TMED1: variants seen among roughly 807,000 people sequenced by gnomAD.
The protein encoded by TMED1 is transmembrane p24 trafficking protein 1.
In TMED1, 20 loss-of-function variants were observed where a neutral mutation model predicts 21.2. The observed-to-expected ratio is 0.95, with a 90% CI of 0.67 to 1.37. The LOEUF is 1.37. TMED1 is among the 40% of genes most tolerant of loss of function. The probability of loss-of-function intolerance (pLI) is 0.00; values close to 1 mark genes in which losing one functional copy is unlikely to be tolerated. For synonymous variants in TMED1, 149 were observed against 134.7 expected, an observed-to-expected ratio of 1.11 and a Z score of -0.74; for missense variants, 316 against 309.8, an observed-to-expected ratio of 1.02 and a Z score of -0.15.
intron 3 of TMED1, among the ~76,000 whole-genome samples, chr19:10,833,732 G>A (rs1216922467): frequency 6.6e-6 from 1 of 151,994 alleles, no homozygotes; most frequent in Non-Finnish European, 1.5e-5. Context: ...TAGCCAACAT[G>A]GTGAAACCTC....
chr19:10,835,359 G>C lies in TMED1; in HGVS notation c.184-6C>G, dbSNP rs781668971. The C allele has an allele frequency of 2.8e-5, 45 of 1,613,284 alleles. No individual in the cohort carries two copies. Among genetic ancestry groups the C allele is most frequent in the East Asian group, 2.0e-4 (9 of 44,890 alleles). On this transcript the variant is annotated splice_region_variant and splice_polypyrimidine_tract_variant and intron_variant, in intron 1 of 3. Coordinates refer to ENST00000214869, the MANE Select transcript of TMED1 (RefSeq NM_006858.4). ...AGTCCAGCACCTCCGATCACCTGGG[G>C]GGCAGGTAAGAGCGGGTGGAGGGCT...
chr19:10,834,780 C>A (rs749103416), intron 3 of TMED1, 154 bp downstream of exon 3: 5 of 957,458 alleles, frequency 5.2e-6, no homozygotes, highest in East Asian at 5.0e-5. Context: ...CGTGCCCGGC[C>A]TGAAATGAAC....
rs767535879 is a variant in TMED1, at chr19:10,835,099, G to C, written c.300C>G (p.Ala100=). 3 of 1,613,790 alleles carry C rather than the reference G, an allele frequency of 1.9e-6. No individual in the cohort carries two copies. The highest frequency in any genetic ancestry group is 2.5e-6 in the Non-Finnish European group (3 of 1,179,892). Residue 100 remains alanine, a synonymous_variant, in exon 3 of 4, where the codon GCC becomes GCG. Transcript: ENST00000214869. Reference sequence around the variant, plus strand: ...TGTCAAAGCACAGCTTGTAGTCCCCGGCCTCCGTTGGCTCCACCCTGGGCA... The same window carrying C: ...TGTCAAAGCACAGCTTGTAGTCCCCCGCCTCCGTTGGCTCCACCCTGGGCA... The part of the protein sequence containing the change: ...DGVHTVEPTE[A]GDYKLCFDNS...
Position 10,832,532 on chromosome 19 carries a change from T to A in TMED1, c.*463A>T. On this transcript the variant is annotated 3_prime_UTR_variant, in exon 4 of 4. Coordinates refer to ENST00000214869, the MANE Select transcript of TMED1 (RefSeq NM_006858.4). ...GCCTAGACTTTGGCCGGGCCATCCC[T>A]CATGCCTGTGTGGGGCCCCTGCAGG... is the stretch of plus-strand genomic sequence containing the variant. 1 of 533,242 alleles carries A rather than the reference T, an allele frequency of 1.9e-6. No individual in the cohort carries two copies. The highest frequency in any genetic ancestry group is 3.1e-6 in the Non-Finnish European group (1 of 327,082). The allele number at this position is 533,242 out of a possible 1,614,324, so 33.0% of individuals were successfully genotyped here.
At position 10,833,015 on chromosome 19, in the gene TMED1, T is replaced by TG. The variant is rs1337244074; in HGVS notation, c.663dup (p.Lys222GlnfsTer53). The TG allele has an allele frequency of 6.2e-6, 10 of 1,613,266 alleles. No homozygotes were observed. Among genetic ancestry groups the TG allele is most frequent in the Non-Finnish European group, 8.5e-6 (10 of 1,180,030 alleles). ...AGGGGCTACGTGGGCACCGGGCGCT[T>TG]GTCCTGGAAGAAGCGCTTGAGCGTG... On this transcript the variant is annotated frameshift_variant, in exon 4 of 4. Coordinates refer to ENST00000214869, the MANE Select transcript of TMED1 (RefSeq NM_006858.4). LOFTEE classifies it high-confidence loss of function.
Position 10,836,120 on chromosome 19 carries a change from C to T in TMED1, c.72G>A (p.Ala24=), listed in dbSNP as rs759176789. ...CACCGTCCTGGATTGGCGGGGGCCC[C>T]GCCCCTCCCACCTCCACTGGTGGCA... ...LLMPPVEVGG[A]GPPPIQDGEF... Residue 24 remains alanine, a synonymous_variant, in exon 1 of 4, where the codon GCG becomes GCA. Coordinates refer to ENST00000214869, the MANE Select transcript of TMED1 (RefSeq NM_006858.4). 5.7e-6 allele frequency: 9 copies of T among 1,574,302 alleles called. No homozygotes were observed. The highest frequency in any genetic ancestry group is 1.9e-5 in the Admixed American group (1 of 53,818).
Position 10,833,189 on chromosome 19 carries a change from G to A in TMED1, c.490C>T (p.Arg164Trp), listed in dbSNP as rs781226358. Residue 164 changes from arginine to tryptophan, a missense_variant, in exon 4 of 4, where the codon CGG (arginine) becomes TGG (tryptophan). Arg to Trp is a moderately radical substitution (Grantham distance 101, BLOSUM62 -3). Transcript: ENST00000214869. Reference sequence around the variant, plus strand: ...AGCATCTGGATGCTGCGCTCCAGCCGGGTCCGCATGGTCTCAATGGACTCC... The same window carrying A: ...AGCATCTGGATGCTGCGCTCCAGCCAGGTCCGCATGGTCTCAATGGACTCC... ...IKESIETMRT[R>W]LERSIQMLTL... 1.8e-5 allele frequency: 29 copies of A among 1,613,294 alleles called. No individual in the cohort carries two copies. Among genetic ancestry groups the A allele is most frequent in the Non-Finnish European group, 2.3e-5 (27 of 1,179,904 alleles).
chr19:10,835,129 G>A lies in TMED1; in HGVS notation c.282-12C>T, dbSNP rs372258609. The A allele has an allele frequency of 4.3e-5, 70 of 1,611,712 alleles. No individual in the cohort carries two copies. The African/African-American group carries it at 8.8e-4, about 20-fold the overall frequency. ...CCGTTGGCTCCACCCTGGGCAGACA[G>A]ACACACAGACATGACCCAGGGTGGC... On this transcript the variant is annotated splice_polypyrimidine_tract_variant and intron_variant, in intron 2 of 3. Coordinates refer to ENST00000214869, the MANE Select transcript of TMED1 (RefSeq NM_006858.4).
chr19:10,834,834 G>A (rs2073405924), intron 3 of TMED1, 100 bp downstream of exon 3: 6 of 1,344,628 alleles, frequency 4.5e-6, no homozygotes, highest in Non-Finnish European at 6.1e-6. Context: ...TTCAGTTGGA[G>A]GGCACAACTA....
chr19:10,835,170 G>A, intron 2 of TMED1, 53 bp from the exon 3 acceptor site: 2 of 1,611,084 alleles, frequency 1.2e-6, no homozygotes, highest in Non-Finnish European at 1.7e-6. Flanking sequence ...AGCCGACTCA[G>A]CGGGGCAGTC....
intron 3 of TMED1, 100 bp from the exon 4 acceptor site, chr19:10,833,313 T>C (rs775052870): frequency 7.3e-6 from 7 of 965,392 alleles, no homozygotes; most frequent in Non-Finnish European, 1.1e-5. Flanking sequence ...GTATTAACCC[T>C]GGGAGGTACA....
chr19:10,832,462 A>T lies in TMED1; in HGVS notation c.*533T>A. The stretch of plus-strand genomic sequence containing the variant: ...GTGATTTTCTGACCATAATTTATTG[A>T]CTCCAATGCCCAGGCCACACCACCC... On this transcript the variant is annotated 3_prime_UTR_variant, in exon 4 of 4. Coordinates refer to ENST00000214869, the MANE Select transcript of TMED1 (RefSeq NM_006858.4). The T allele has an allele frequency of 1.1e-6, 1 of 890,914 alleles. No individual in the cohort carries two copies. The highest frequency in any genetic ancestry group is 1.6e-6 in the Non-Finnish European group (1 of 634,150). 55.2% of individuals were successfully genotyped at this position (890,914 alleles called of 1,614,324 possible).
intron 1 of TMED1, chr19:10,835,758 G>C: frequency 7.1e-7 from 1 of 1,415,750 alleles, no homozygotes; most frequent in South Asian, 1.6e-5. Context: ...TGTCCTCTCA[G>C]AGGCTCCCTA....
At chr19:10,835,139 C>T (rs1174366256) in intron 2 of TMED1, 22 bp from the exon 3 acceptor site, 10 of 1,610,380 alleles carry the variant, frequency 6.2e-6, no homozygotes, top group Non-Finnish European at 8.5e-6. Context: ...GACACACAGA[C>T]ATGACCCAGG....
intron 1 of TMED1, 61 bp downstream of exon 1, chr19:10,835,948 G>C (rs2073422784): frequency 4.7e-6 from 7 of 1,496,502 alleles, no homozygotes; most frequent in Non-Finnish European, 5.4e-6. Context: ...GCCTCGCCTC[G>C]ACCGCTTGGC....
At chr19:10,835,770 A>G in intron 1 of TMED1, 1 of 1,416,512 alleles carries the variant, frequency 7.1e-7, no homozygotes, top group Non-Finnish European at 9.2e-7. Context: ...GGCTCCCTAT[A>G]CTTATCGATG....
At chr19:10,835,668 A>AC (rs1322529477) in intron 1 of TMED1, 14 of 1,394,270 alleles carry the variant, frequency 1.0e-5, no homozygotes, top group Non-Finnish European at 1.2e-5. Context: ...CCTTAGTCTA[A>AC]CCCCCGAGAA....
At chr19:10,833,415 G>T in intron 3 of TMED1, 1 of 595,254 alleles carries the variant, frequency 1.7e-6, no homozygotes, top group Non-Finnish European at 3.0e-6. Flanking sequence ...ACCTATCTGA[G>T]CCTGTTTCCT....
Position 10,833,217 on chromosome 19 carries a change from C to T in TMED1, c.466-4G>A. 3.1e-6 allele frequency: 5 copies of T among 1,608,206 alleles called. No individual in the cohort carries two copies. The highest frequency in any genetic ancestry group is 4.2e-6 in the Non-Finnish European group (5 of 1,176,936). ...TCCGCATGGTCTCAATGGACTCCTA[C>T]AGGGCAGCGGGAGGGGAAGGGTCAG... is the stretch of plus-strand genomic sequence containing the variant. On this transcript the variant is annotated splice_polypyrimidine_tract_variant and splice_region_variant and intron_variant, in intron 3 of 3. Transcript: ENST00000214869.
Sources: allele counts gnomAD v4.1 joint callset (sites outside exome capture counted in the v4.1 genomes callset), GRCh38; gene constraint gnomAD v4.1.1; transcripts MANE v1.5; gene names NCBI Gene and HGNC (gene_info 2026-07-23, HGNC 2026-07-21).